SDHAF2: variants seen among roughly 807,000 people sequenced by gnomAD.
SDHAF2 encodes succinate dehydrogenase complex assembly factor 2, also known as succinate dehydrogenase assembly factor 2, mitochondrial.
In SDHAF2, 21 loss-of-function variants were observed where a neutral mutation model predicts 18.5. That is an observed-to-expected ratio of 1.13 (90% confidence interval 0.80 to 1.63). The LOEUF (loss-of-function observed/expected upper bound fraction) is 1.63, where lower values mean the gene tolerates loss of function less well. Among genes scored for constraint, SDHAF2 ranks in the 40% most tolerant of loss-of-function variants. SDHAF2 has a pLI of 0.00. For synonymous variants in SDHAF2, 84 were observed against 70.7 expected, an observed-to-expected ratio of 1.19 and a Z score of -0.94; for missense variants, 195 against 200.3, an observed-to-expected ratio of 0.97 and a Z score of 0.16.
At chr11:61,442,385 C>G (rs1353749934) in intron 3 of SDHAF2, among the ~76,000 whole-genome samples, 1 of 152,138 alleles carries the variant, frequency 6.6e-6, no homozygotes, top group African/African-American at 2.4e-5. Context: ...CATATTCCCT[C>G]CGGTGTTACC....
At chr11:61,430,207 T>TTCTAGCGC in intron 1 of SDHAF2, 25 bp downstream of exon 1, 1 of 1,614,070 alleles carries the variant, frequency 6.2e-7, no homozygotes, top group Non-Finnish European at 8.5e-7. Flanking sequence ...CGTTCTAGCG[T>TTCTAGCGC]CCGGGGCGGG....
At chr11:61,441,000 G>C (rs746735824) in intron 3 of SDHAF2, among the ~76,000 whole-genome samples, 1 of 151,790 alleles carries the variant, frequency 6.6e-6, no homozygotes, top group Non-Finnish European at 1.5e-5. Context: ...CAGGAGTTTG[G>C]GACCAGCCTG....
chr11:61,430,183 G>A lies in SDHAF2; in HGVS notation c.36+1G>A, dbSNP rs1173121367. 6.2e-7 allele frequency: 1 copy of A among 1,614,232 alleles called. No homozygotes were observed. The highest frequency in any genetic ancestry group is 8.5e-7 in the Non-Finnish European group (1 of 1,180,044). On this transcript the variant is annotated splice_donor_variant, in intron 1 of 3. Transcript: ENST00000301761. LOFTEE classifies it high-confidence loss of function. ...TACAGTGTTCTCGACTTCGTCGCTG[G>A]TGAGGAGAGAGAACGTTCTAGCGTC...
chr11:61,436,563 T>G (rs1321552097), intron 1 of SDHAF2, among the ~76,000 whole-genome samples: 1 of 152,186 alleles, frequency 6.6e-6, no homozygotes, highest in Non-Finnish European at 1.5e-5. Flanking sequence ...GTCCGAACAT[T>G]ATACATACTT....
chr11:61,442,136 A>G (rs1372338837), intron 3 of SDHAF2, among the ~76,000 whole-genome samples: 1 of 151,950 alleles, frequency 6.6e-6, no homozygotes, highest in Non-Finnish European at 1.5e-5. Flanking sequence ...CAAGCAATCC[A>G]CCTGCCTCGG....
At position 61,437,782 on chromosome 11, in the gene SDHAF2, C is replaced by T. The variant is rs752462796; in HGVS notation, c.194C>T (p.Thr65Ile). 2.5e-6 allele frequency: 4 copies of T among 1,614,100 alleles called. No individual in the cohort carries two copies. Among genetic ancestry groups the T allele is most frequent in the Non-Finnish European group, 3.4e-6 (4 of 1,180,026 alleles). Residue 65 changes from threonine to isoleucine, a missense_variant, in exon 2 of 4, where the codon ACC (threonine) becomes ATC (isoleucine). Transcript: ENST00000301761. ...WQERTDESIETKRARLLYESR... is the reference protein window; with the variant it reads ...WQERTDESIEIKRARLLYESR... ...GAGAGAACTGATGAATCCATAGAAA[C>T]CAAAAGAGCCCGCCTGCTCTATGAG...
chr11:61,438,012 C>T lies in SDHAF2; in HGVS notation c.269C>T (p.Ala90Val), dbSNP rs373951663. 1.7e-4 allele frequency: 269 copies of T among 1,613,704 alleles called. 3 individuals carry two copies. The South Asian group carries it at 2.8e-3, about 17-fold the overall frequency. The change falls in exon 3 of 4, where the codon GCT becomes GTT. Residue 90 changes from alanine to valine, a missense_variant. Transcript: ENST00000301761. ...LENCILLSLF[A>V]KEHLQHMTEK... is the part of the protein sequence containing the mutation. ...TTCTTTCTTGTTTTTAGTCTTTTTG[C>T]TAAAGAACATCTGCAGCACATGACA...
At chr11:61,436,883 G>T (rs1332919205) in intron 1 of SDHAF2, 1 of 1,288,778 alleles carries the variant, frequency 7.8e-7, no homozygotes, top group South Asian at 1.2e-5. Flanking sequence ...ATCTTGATAA[G>T]TTGTCAACTT....
intron 3 of SDHAF2, among the ~76,000 whole-genome samples, chr11:61,440,185 C>CA (rs1862045531): frequency 6.6e-6 from 1 of 151,914 alleles, no homozygotes; most frequent in East Asian, 1.9e-4. Context: ...TGTGGTGGTG[C>CA]GCCCAGCTAC....
rs1565128535 is a variant in SDHAF2 at position 61,437,778 on chromosome 11, G to A, written c.190G>A (p.Glu64Lys). 2.5e-6 allele frequency: 4 copies of A among 1,614,136 alleles called. No individual in the cohort carries two copies. Among genetic ancestry groups the A allele is most frequent in the Non-Finnish European group, 3.4e-6 (4 of 1,180,036 alleles). The change falls in exon 2 of 4, where the codon GAA (glutamate) becomes AAA (lysine). Residue 64 changes from glutamate to lysine, a missense_variant. Glu to Lys is a moderately conservative substitution (Grantham distance 56). Transcript: ENST00000301761. The part of the protein sequence containing the change: ...PWQERTDESI[E>K]TKRARLLYES... ...GCAGGAGAGAACTGATGAATCCATAGAAACCAAAAGAGCCCGCCTGCTCTA... is the reference window on the plus strand; with the variant it reads ...GCAGGAGAGAACTGATGAATCCATAAAAACCAAAAGAGCCCGCCTGCTCTA...
intron 1 of SDHAF2, chr11:61,431,853 G>C (rs138052810): frequency 4.6e-5 from 7 of 152,324 alleles, no homozygotes; most frequent in African/African-American, 1.7e-4. Context: ...ACCACGCCTG[G>C]CTAATTTTTT....
At chr11:61,436,492 C>G (rs1292053824) in intron 1 of SDHAF2, among the ~76,000 whole-genome samples, 1 of 152,194 alleles carries the variant, frequency 6.6e-6, no homozygotes, top group East Asian at 1.9e-4. Flanking sequence ...CTCCCTCAAC[C>G]TGCTGCCCTT....
intron 3 of SDHAF2, chr11:61,444,103 C>G (rs1247590818): frequency 6.6e-6 from 1 of 152,270 alleles, no homozygotes; most frequent in South Asian, 2.1e-4. Context: ...CTCATGCTAG[C>G]CCACACTTGG....
chr11:61,439,800 A>G (rs1862040949), intron 3 of SDHAF2, among the ~76,000 whole-genome samples: 1 of 152,222 alleles, frequency 6.6e-6, no homozygotes, highest in Non-Finnish European at 1.5e-5. Context: ...GTGTTGAGTA[A>G]TATTCCATTG....
chr11:61,430,288 G>T (rs1045702422), intron 1 of SDHAF2, 106 bp downstream of exon 1: 4 of 1,450,004 alleles, frequency 2.8e-6, no homozygotes, highest in African/African-American at 1.4e-5. Flanking sequence ...GCCCGATAGC[G>T]CAGGGCAAGG....
At chr11:61,431,616 C>T (rs1184605035) in intron 1 of SDHAF2, 3 of 152,150 alleles carry the variant, frequency 2.0e-5, no homozygotes, top group East Asian at 1.9e-4. Flanking sequence ...TAAAATGTCT[C>T]TTGTGCGGCA....
chr11:61,437,344 G>T (rs1273876504), intron 1 of SDHAF2, among the ~76,000 whole-genome samples: 1 of 152,026 alleles, frequency 6.6e-6, no homozygotes, highest in Non-Finnish European at 1.5e-5. Flanking sequence ...ACCATGGTGG[G>T]ACTACCCCAC....
Position 61,445,941 on chromosome 11 carries a change from A to G in SDHAF2, c.371A>G (p.Glu124Gly), listed in dbSNP as rs1381928782. The G allele has an allele frequency of 6.2e-7, 1 of 1,614,054 alleles. No individual in the cohort carries two copies. Among genetic ancestry groups the G allele is most frequent in the Non-Finnish European group, 8.5e-7 (1 of 1,180,040 alleles). ...NDWDIYYWATEAKPAPEIFEN... is the reference protein window; with the variant it reads ...NDWDIYYWATGAKPAPEIFEN... Reference sequence around the variant, plus strand: ...TTTTCTGCCCACTCTTCTCTTGCAGAAGCTAAACCAGCCCCAGAAATATTT... The same window carrying G: ...TTTTCTGCCCACTCTTCTCTTGCAGGAGCTAAACCAGCCCCAGAAATATTT... Residue 124 changes from glutamate (E) to glycine (G), a missense_variant and splice_region_variant, in exon 4 of 4, where the codon GAA becomes GGA. Glu to Gly is a moderately conservative substitution (Grantham distance 98, BLOSUM62 -2). Transcript: ENST00000301761.
chr11:61,436,291 G>A (rs575039709), intron 1 of SDHAF2, among the ~76,000 whole-genome samples: 2 of 152,258 alleles, frequency 1.3e-5, no homozygotes, highest in South Asian at 4.1e-4. Context: ...CTTAGAGACA[G>A]AAACCAGTCC....
Sources: allele counts gnomAD v4.1 joint callset (sites outside exome capture counted in the v4.1 genomes callset), GRCh38; gene constraint gnomAD v4.1.1; transcripts MANE v1.5; gene names NCBI Gene and HGNC (gene_info 2026-07-23, HGNC 2026-07-21).